The following POLN variants were observed in gnomAD, a reference collection of about 807,000 sequenced individuals.
The protein encoded by POLN is DNA polymerase N.
Under a neutral mutation model 113.5 loss-of-function variants are expected in POLN, and 108 were observed. The observed-to-expected ratio is 0.95, with a 90% CI of 0.81 to 1.12. The LOEUF is 1.12. Ranked by LOEUF, POLN falls within the 50% of genes most tolerant of loss-of-function variation. The probability of loss-of-function intolerance (pLI) is 0.00; values close to 1 mark genes in which losing one functional copy is unlikely to be tolerated. For synonymous variants in POLN, 386 were observed against 391.5 expected, an observed-to-expected ratio of 0.99 and a Z score of 0.17; for missense variants, 1,097 against 1,077.1, an observed-to-expected ratio of 1.02 and a Z score of -0.26.
chr4:2,078,491 T>C, intron 23 of POLN: 8 of 754,044 alleles, frequency 1.1e-5, no homozygotes, highest in Non-Finnish European at 1.3e-5. Context: ...TTTTTTTTGT[T>C]AGACAGACTC....
At chr4:2,131,931 C>T (rs963206260) in intron 16 of POLN, among the ~76,000 whole-genome samples, 1 of 152,182 alleles carries the variant, frequency 6.6e-6, no homozygotes, top group Non-Finnish European at 1.5e-5. Context: ...TTGGCAGTAC[C>T]TTGGACAATA....
chr4:2,080,250 G>A, intron 23 of POLN: 3 of 988,124 alleles, frequency 3.0e-6, no homozygotes, highest in Non-Finnish European at 3.6e-6. Context: ...GAGGTGGCTG[G>A]GCGAGGGCTG....
In POLN at chr4:2,160,020, T is replaced by C. The variant is rs545829634; in HGVS notation, c.1555-809A>G. On this transcript the variant is annotated intron_variant, in intron 13 of 25. Transcript: ENST00000511885. ...AAGGGTGAAACTGCTGCATCAACTT[T>C]AGCAGAGATACTGCCAGTTCTCCAA... Among the ~76,000 whole-genome samples, 5 of 152,356 alleles carry C rather than the reference T, an allele frequency of 3.3e-5. No individual in the cohort carries two copies. The East Asian group carries it at 9.6e-4, about 29-fold the overall frequency.
intron 2 of POLN, among the ~76,000 whole-genome samples, chr4:2,237,298 T>C (rs967003045): frequency 6.6e-6 from 1 of 150,930 alleles, no homozygotes; most frequent in African/African-American, 2.4e-5. Flanking sequence ...TAGCCAGGCA[T>C]GGTGGCACGT....
At chr4:2,159,849 G>A (rs558449450) in intron 13 of POLN, among the ~76,000 whole-genome samples, 5 of 152,274 alleles carry the variant, frequency 3.3e-5, no homozygotes, top group Admixed American at 3.3e-4. Flanking sequence ...CGGCTGTGTA[G>A]TATTCAAGTG....
In POLN at chr4:2,153,326, T is replaced by C. The variant is rs1732339093; in HGVS notation, c.1731+3462A>G. 2.6e-5 allele frequency among the ~76,000 whole-genome samples: 4 copies of C among 152,206 alleles called. No homozygotes were observed. In the South Asian group the frequency reaches 8.3e-4, roughly 32 times the overall value. ...ATATACAAGCTCTAGGCTGCAATCA[T>C]GGGCTACCAAGAGCACTGGGATTGA... On this transcript the variant is annotated intron_variant, in intron 16 of 25. Transcript: ENST00000511885.
intron 2 of POLN, 104 bp from the exon 3 acceptor site, chr4:2,229,347 A>C: frequency 1.0e-6 from 1 of 954,362 alleles, no homozygotes; most frequent in Non-Finnish European, 1.5e-6. Flanking sequence ...CTTTCATTTA[A>C]AATGTCTATA....
chr4:2,133,713 T>C (rs1731784382), intron 16 of POLN, among the ~76,000 whole-genome samples: 1 of 152,182 alleles, frequency 6.6e-6, no homozygotes. Flanking sequence ...TAAGACTCCA[T>C]TTGTTTCAGG....
At chr4:2,118,102 T>C (rs1031635500) in intron 19 of POLN, among the ~76,000 whole-genome samples, 16 of 152,220 alleles carry the variant, frequency 1.1e-4, no homozygotes, top group African/African-American at 2.4e-4. Context: ...GTATCCTTTG[T>C]CTAGACTTCA....
At chr4:2,218,783 T>C (rs752578151) in intron 3 of POLN, among the ~76,000 whole-genome samples, 15 of 152,216 alleles carry the variant, frequency 9.9e-5, no homozygotes, top group Non-Finnish European at 2.1e-4. Context: ...CCTTGTTAAT[T>C]GCATATGCCA....
intron 19 of POLN, among the ~76,000 whole-genome samples, chr4:2,106,424 G>A (rs1456590863): frequency 6.6e-6 from 1 of 152,174 alleles, no homozygotes; most frequent in Non-Finnish European, 1.5e-5. Context: ...CAATCATCTC[G>A]AAGAAGTCTT....
intron 11 of POLN, among the ~76,000 whole-genome samples, chr4:2,173,509 CCG>C (rs1491072178): frequency 3.9e-4 from 5 of 12,916 alleles, no homozygotes; most frequent in Non-Finnish European, 3.2e-3. Flanking sequence ...CATCTTTGCC[CCG>C]CCCCGCCACT....
chr4:2,148,173 T>C (rs1203210600), intron 16 of POLN, among the ~76,000 whole-genome samples: 2 of 152,020 alleles, frequency 1.3e-5, no homozygotes, highest in Non-Finnish European at 1.5e-5. Context: ...AAAGCAAATA[T>C]TGAACTAGAG....
chr4:2,110,122 C>T (rs1411798065), intron 19 of POLN, among the ~76,000 whole-genome samples: 1 of 152,196 alleles, frequency 6.6e-6, no homozygotes, highest in Non-Finnish European at 1.5e-5. Flanking sequence ...AACTGAACAA[C>T]CTGCTCCTGA....
intron 16 of POLN, among the ~76,000 whole-genome samples, chr4:2,155,095 AAAGC>A (rs1037880999): frequency 6.6e-6 from 1 of 152,232 alleles, no homozygotes; most frequent in African/African-American, 2.4e-5. Context: ...CATAAAAACA[AAAGC>A]AAGGACCTCC....
intron 11 of POLN, among the ~76,000 whole-genome samples, chr4:2,173,749 C>G (rs148656838): frequency 1.3e-5 from 2 of 152,106 alleles, no homozygotes; most frequent in Non-Finnish European, 2.9e-5. Context: ...CATTAAAGAA[C>G]TCCCCGGACA....
Position 2,235,182 on chromosome 4 carries a change from C to T in POLN, c.-12-5939G>A, listed in dbSNP as rs1301935150. Among the ~76,000 whole-genome samples the T allele has an allele frequency of 3.3e-5, 5 of 152,214 alleles. No individual in the cohort carries two copies. The South Asian group carries it at 1.0e-3, about 32-fold the overall frequency. ...TATAGGCGTGAGCCACCGCACCCAG[C>T]CTATGTGGAGAAATTTTCAAATCCA... On this transcript the variant is annotated intron_variant, in intron 2 of 25. Transcript: ENST00000511885.
chr4:2,234,277 T>A (rs1734681449), intron 2 of POLN: 1 of 152,172 alleles, frequency 6.6e-6, no homozygotes, highest in Non-Finnish European at 1.5e-5. Context: ...AGGTCAAAAT[T>A]AAGAACTACA....
intron 20 of POLN, among the ~76,000 whole-genome samples, chr4:2,086,160 C>T (rs936027718): frequency 1.6e-4 from 25 of 152,198 alleles, no homozygotes; most frequent in African/African-American, 6.0e-4. Context: ...GGTGTTCTTG[C>T]GACGCTGCTG....
Sources: allele counts gnomAD v4.1 joint callset (sites outside exome capture counted in the v4.1 genomes callset), GRCh38; gene constraint gnomAD v4.1.1; transcripts MANE v1.5; gene names NCBI Gene and HGNC (gene_info 2026-07-23, HGNC 2026-07-21).